The following CD4 variants were observed in gnomAD, a reference collection of about 807,000 sequenced individuals.
CD4 encodes the protein CD4 molecule, also known as T-cell surface glycoprotein CD4.
Under a neutral mutation model 50.5 loss-of-function variants are expected in CD4, and 25 were observed. The ratio of observed to expected loss-of-function variants is 0.49; its 90% confidence interval spans 0.36 to 0.69. The LOEUF (loss-of-function observed/expected upper bound fraction) is 0.69, where lower values mean the gene tolerates loss of function less well. Ranked by LOEUF, CD4 falls within the 30% of genes least tolerant of loss-of-function variation. The pLI is 0.00. For synonymous variants in CD4, 207 were observed against 221.9 expected, an observed-to-expected ratio of 0.93 and a Z score of 0.60; for missense variants, 456 against 548.5, an observed-to-expected ratio of 0.83 and a Z score of 1.68.
intron 3 of CD4, among the ~76,000 whole-genome samples, chr12:6,811,540 T>G (rs1942939463): frequency 6.9e-6 from 1 of 145,960 alleles, no homozygotes; most frequent in South Asian, 2.2e-4. Context: ...TCACCCAGGC[T>G]GGAGTGCAGT....
Position 6,814,926 on chromosome 12 carries a change from A to T in CD4, c.541A>T (p.Thr181Ser), listed in dbSNP as rs1489897058. The change falls in exon 5 of 10, where the codon ACC becomes TCC. Residue 181 changes from threonine to serine, a missense_variant. By Grantham distance (58) the Thr-to-Ser change is moderately conservative (BLOSUM62 1). Coordinates refer to ENST00000011653, the MANE Select transcript of CD4 (RefSeq NM_000616.5). The stretch of plus-strand genomic sequence containing the variant: ...TCAGCTGGAGCTCCAGGATAGTGGC[A>T]CCTGGACATGCACTGTCTTGCAGAA... ...VSQLELQDSGTWTCTVLQNQK... is the reference protein window; with the variant it reads ...VSQLELQDSGSWTCTVLQNQK... 26 of 1,613,432 alleles carry T rather than the reference A, an allele frequency of 1.6e-5. No homozygotes were observed. The highest frequency in any genetic ancestry group is 2.1e-5 in the Non-Finnish European group (25 of 1,179,694).
intron 1 of CD4, among the ~76,000 whole-genome samples, chr12:6,796,805 C>G (rs1169982853): frequency 6.6e-6 from 1 of 152,194 alleles, no homozygotes; most frequent in African/African-American, 2.4e-5. Context: ...TATGATTGAA[C>G]CACTGCACTC....
At chr12:6,808,873 G>C (rs1942851187) in intron 3 of CD4, among the ~76,000 whole-genome samples, 1 of 152,150 alleles carries the variant, frequency 6.6e-6, no homozygotes, top group Non-Finnish European at 1.5e-5. Flanking sequence ...TCAGCACTGA[G>C]TAGTATTATT....
rs186717210 is a variant in CD4 at position 6,808,879 on chromosome 12, T to G, written c.215-5263T>G. ...CACATCTTGTCAGCACTGAGTAGTA[T>G]TATTTAAAACTTTTGGGGGGGGCAA... On this transcript the variant is annotated intron_variant, in intron 3 of 9. Transcript: ENST00000011653. Among the ~76,000 whole-genome samples, 10 of 152,326 alleles carry G rather than the reference T, an allele frequency of 6.6e-5. No homozygotes were observed. In the South Asian group the frequency reaches 8.3e-4, roughly 13 times the overall value.
In CD4 at chr12:6,819,292, C is replaced by T; in HGVS notation, c.1347-7C>T. 1 of 1,614,108 alleles carries T rather than the reference C, an allele frequency of 6.2e-7. No homozygotes were observed. The highest frequency in any genetic ancestry group is 8.5e-7 in the Non-Finnish European group (1 of 1,179,962). On this transcript the variant is annotated splice_polypyrimidine_tract_variant and splice_region_variant and intron_variant, in intron 9 of 9. Transcript: ENST00000011653. ...AGACCTGCTCCCCTTCTTCTTTGTT[C>T]CTGCAGCCGGTTTCAGAAGACATGT...
rs781954736 is a variant in CD4, at chr12:6,811,565, T to C, written c.215-2577T>C. Among the ~76,000 whole-genome samples, 11 of 147,268 alleles carry C rather than the reference T, an allele frequency of 7.5e-5. No homozygotes were observed. The East Asian group carries it at 2.2e-3, about 30-fold the overall frequency. The stretch of plus-strand genomic sequence containing the variant: ...TGGAGTGCAGTGGCGTGATCTTGGC[T>C]CACTGCAATCTCCACCTCCCGGGTT... On this transcript the variant is annotated intron_variant, in intron 3 of 9. Coordinates refer to ENST00000011653, the MANE Select transcript of CD4 (RefSeq NM_000616.5).
chr12:6,816,135 T>G lies in CD4; in HGVS notation c.687T>G (p.Val229=), dbSNP rs1555117891. 1.2e-6 allele frequency: 2 copies of G among 1,614,084 alleles called. No individual in the cohort carries two copies. Among genetic ancestry groups the G allele is most frequent in the East Asian group, 4.5e-5 (2 of 44,882 alleles). Residue 229 remains valine (V), a synonymous_variant, in exon 6 of 10, where the codon GTT becomes GTG. Transcript: ENST00000011653. The surrounding 1 kb of genome is among the most constrained non-coding windows in gnomAD (Gnocchi z 4.9). ...VEFSFPLAFT[V]EKLTGSGELW... is the part of the protein sequence containing the mutation. ...TCTCCTTCCCACTCGCCTTTACAGTTGAAAAGCTGACGGGCAGTGGCGAGC... is the reference window on the plus strand; with the variant it reads ...TCTCCTTCCCACTCGCCTTTACAGTGGAAAAGCTGACGGGCAGTGGCGAGC...
intron 3 of CD4, among the ~76,000 whole-genome samples, chr12:6,802,022 T>C (rs781835534): frequency 6.6e-5 from 10 of 151,618 alleles, no homozygotes; most frequent in African/African-American, 1.7e-4. Context: ...TACAGGCGTG[T>C]GCCACCATGC....
chr12:6,801,956 C>A (rs888870416), intron 3 of CD4, among the ~76,000 whole-genome samples: 3 of 150,142 alleles, frequency 2.0e-5, no homozygotes, highest in Admixed American at 2.0e-4. Flanking sequence ...TCACTGCAAG[C>A]TCTGCCTCCC....
At chr12:6,809,387 T>C (rs1449857408) in intron 3 of CD4, among the ~76,000 whole-genome samples, 4 of 152,028 alleles carry the variant, frequency 2.6e-5, no homozygotes, top group Non-Finnish European at 4.4e-5. Flanking sequence ...TCCCAGTTAC[T>C]TGGGGGGCTG....
chr12:6,798,780 A>C (rs1591545809), intron 1 of CD4: 1 of 152,314 alleles, frequency 6.6e-6, no homozygotes, highest in Non-Finnish European at 1.5e-5. Context: ...GCTGACCAGG[A>C]TGGTTGCAGT....
chr12:6,814,200 C>T lies in CD4; in HGVS notation c.273C>T (p.Asn91=). The T allele has an allele frequency of 1.9e-6, 3 of 1,614,154 alleles. No homozygotes were observed. Among genetic ancestry groups the T allele is most frequent in the Non-Finnish European group, 2.5e-6 (3 of 1,180,000 alleles). ...GAAGAAGCCTTTGGGACCAAGGAAA[C>T]TTTCCCCTGATCATCAAGAATCTTA... ...DSRRSLWDQG[N]FPLIIKNLKI... The change falls in exon 4 of 10, where the codon AAC becomes AAT. Residue 91 remains asparagine (N), a synonymous_variant. Transcript: ENST00000011653.
intron 1 of CD4, among the ~76,000 whole-genome samples, chr12:6,794,056 A>G (rs886350538): frequency 3.4e-5 from 5 of 147,656 alleles, no homozygotes; most frequent in East Asian, 2.0e-4. Context: ...TTATGTATCT[A>G]TCTTATCTAT....
intron 1 of CD4, among the ~76,000 whole-genome samples, chr12:6,797,548 G>A (rs754422219): frequency 5.3e-5 from 8 of 152,104 alleles, no homozygotes; most frequent in African/African-American, 7.2e-5. Context: ...GACCTGCACC[G>A]GTGCTGGTCT....
chr12:6,810,142 G>A (rs28917490), intron 3 of CD4, among the ~76,000 whole-genome samples: 2,902 of 151,672 alleles, frequency 0.019, 87 homozygotes, highest in African/African-American at 0.066. Context: ...CACCTGCCTC[G>A]GCCTCCCAGA....
chr12:6,790,559 T>A (rs1331110363), intron 1 of CD4, among the ~76,000 whole-genome samples: 2 of 152,238 alleles, frequency 1.3e-5, no homozygotes, highest in Non-Finnish European at 2.9e-5. Context: ...AGGGGTCTCA[T>A]GAGGCCGGGA....
intron 3 of CD4, among the ~76,000 whole-genome samples, chr12:6,808,386 A>AG (rs201829143): frequency 0.56 from 18,943 of 34,014 alleles, 2,492 homozygotes; most frequent in African/African-American, 0.59. Flanking sequence ...CAGGAGGCGA[A>AG]GTTGCAGCGA....
intron 3 of CD4, among the ~76,000 whole-genome samples, chr12:6,808,450 C>CAAAAAAAAAAAAAA (rs3032789): frequency 1.6e-4 from 6 of 37,804 alleles, no homozygotes; most frequent in African/African-American, 3.0e-4. Flanking sequence ...GATTCTGTCT[C>CAAAAAAAAAAAAAA]AAAAAAAAAA....
intron 3 of CD4, among the ~76,000 whole-genome samples, chr12:6,807,095 A>T (rs1942786251): frequency 6.6e-6 from 1 of 152,116 alleles, no homozygotes; most frequent in Non-Finnish European, 1.5e-5. Flanking sequence ...TGAACCCGGG[A>T]GGCGGAGCTT....
Sources: allele counts gnomAD v4.1 joint callset (sites outside exome capture counted in the v4.1 genomes callset), GRCh38; gene constraint gnomAD v4.1.1; non-coding constraint Gnocchi (gnomAD v3.1); transcripts MANE v1.5; gene names NCBI Gene and HGNC (gene_info 2026-07-23, HGNC 2026-07-21).